DENND1A: variants seen among roughly 807,000 people sequenced by gnomAD.
DENND1A encodes the protein DENN domain-containing protein 1A.
Under a neutral mutation model 113.7 loss-of-function variants are expected in DENND1A, and 51 were observed. That is an observed-to-expected ratio of 0.45 (90% CI 0.36 to 0.57). DENND1A has a LOEUF of 0.57. DENND1A is among the 20% of genes least tolerant of loss of function. The probability of loss-of-function intolerance (pLI) is 0.00; values close to 1 mark genes in which losing one functional copy is unlikely to be tolerated. For missense variants in DENND1A, 1,258 were observed against 1,395.9 expected, an observed-to-expected ratio of 0.90 and a Z score of 1.57; for synonymous variants, 565 against 570.8, an observed-to-expected ratio of 0.99 and a Z score of 0.14.
At chr9:123,617,347 C>A (rs1024992558) in intron 10 of DENND1A, among the ~76,000 whole-genome samples, 3 of 149,546 alleles carry the variant, frequency 2.0e-5, no homozygotes, top group Non-Finnish European at 1.5e-5. Context: ...GTGAGCTCAG[C>A]GTGCACTGAT....
At chr9:123,591,914 A>G (rs2059475960) in intron 11 of DENND1A, among the ~76,000 whole-genome samples, 1 of 152,254 alleles carries the variant, frequency 6.6e-6, no homozygotes, top group Non-Finnish European at 1.5e-5. Flanking sequence ...TGGACACAGA[A>G]AGCCAGATAG....
chr9:123,522,276 T>C (rs2054461573), intron 13 of DENND1A, among the ~76,000 whole-genome samples: 1 of 152,174 alleles, frequency 6.6e-6, no homozygotes, highest in Non-Finnish European at 1.5e-5. Flanking sequence ...CTGCTTCTTG[T>C]GCCCTCTGCC....
intron 13 of DENND1A, among the ~76,000 whole-genome samples, chr9:123,489,108 C>T (rs1456582293): frequency 6.6e-6 from 1 of 152,186 alleles, no homozygotes; most frequent in Non-Finnish European, 1.5e-5. Context: ...ACACCTCAGA[C>T]ACGCACACAT....
intron 10 of DENND1A, among the ~76,000 whole-genome samples, chr9:123,611,435 G>A (rs998161286): frequency 3.3e-5 from 5 of 152,176 alleles, no homozygotes; most frequent in African/African-American, 1.2e-4. Flanking sequence ...AAAATACAAA[G>A]TCTGAACCCT....
intron 3 of DENND1A, among the ~76,000 whole-genome samples, chr9:123,777,249 AG>A (rs1212664758): frequency 6.6e-6 from 1 of 152,216 alleles, no homozygotes; most frequent in African/African-American, 2.4e-5. Flanking sequence ...GAGTATTGGA[AG>A]CCCCAGCCTT....
intron 12 of DENND1A, 108 bp from the exon 13 acceptor site, chr9:123,557,803 C>A (rs962370963): frequency 7.7e-7 from 1 of 1,290,754 alleles, no homozygotes; most frequent in Non-Finnish European, 1.1e-6. Flanking sequence ...ATGGCAGGAT[C>A]CATTTGATAC....
intron 13 of DENND1A, among the ~76,000 whole-genome samples, chr9:123,462,386 C>A (rs1340294763): frequency 6.6e-6 from 1 of 152,256 alleles, no homozygotes; most frequent in Non-Finnish European, 1.5e-5. Flanking sequence ...CAGCTGGTGG[C>A]TTCCCAAACC....
chr9:123,766,730 T>C (rs1039740766), intron 4 of DENND1A, among the ~76,000 whole-genome samples: 1 of 152,244 alleles, frequency 6.6e-6, no homozygotes, highest in African/African-American at 2.4e-5. Flanking sequence ...TTATCTCTTA[T>C]GATAGGAGGA....
At chr9:123,513,530 C>T (rs2053626266) in intron 13 of DENND1A, among the ~76,000 whole-genome samples, 1 of 152,196 alleles carries the variant, frequency 6.6e-6, no homozygotes, top group African/African-American at 2.4e-5. Context: ...GAGGACACAC[C>T]AAGGCCCAGG....
At chr9:123,877,575 G>C (rs917751308) in intron 2 of DENND1A, among the ~76,000 whole-genome samples, 1 of 151,796 alleles carries the variant, frequency 6.6e-6, no homozygotes, top group Non-Finnish European at 1.5e-5. Context: ...TGTAATCCCA[G>C]CACTTTGGGA....
At chr9:123,409,829 C>T (rs946829074) in intron 20 of DENND1A, among the ~76,000 whole-genome samples, 4 of 152,142 alleles carry the variant, frequency 2.6e-5, no homozygotes, top group African/African-American at 4.8e-5. Context: ...CGGTGGCTCA[C>T]GTCTGTAATC....
chr9:123,730,290 G>T (rs972129409), intron 5 of DENND1A, among the ~76,000 whole-genome samples: 2 of 152,162 alleles, frequency 1.3e-5, no homozygotes, highest in African/African-American at 4.8e-5. Context: ...CTTCTGCACA[G>T]CAAAAGAGAC....
At chr9:123,440,298 G>A in intron 19 of DENND1A, 62 bp downstream of exon 19, 1 of 1,529,980 alleles carries the variant, frequency 6.5e-7, no homozygotes, top group African/African-American at 1.4e-5. Context: ...ATGTGCTACT[G>A]CTGCTAAAAA....
chr9:123,383,505 G>GT, intron 23 of DENND1A, 150 bp downstream of exon 23: 1 of 1,289,130 alleles, frequency 7.8e-7, no homozygotes, highest in Non-Finnish European at 1.1e-6. Context: ...CCTGGGAGGT[G>GT]TTTACAGTCA....
chr9:123,854,164 TC>T (rs779978111), intron 2 of DENND1A, among the ~76,000 whole-genome samples: 22 of 152,304 alleles, frequency 1.4e-4, no homozygotes, highest in Admixed American at 5.9e-4. Flanking sequence ...TTGAGCAAGA[TC>T]ATTCTTTCTA....
intron 1 of DENND1A, among the ~76,000 whole-genome samples, chr9:123,879,335 C>G (rs1847985073): frequency 6.6e-6 from 1 of 151,984 alleles, no homozygotes; most frequent in Admixed American, 6.6e-5. Context: ...GAGTTCAAAA[C>G]CAGCCTGGGC....
At chr9:123,843,141 A>G (rs888102049) in intron 2 of DENND1A, 2 of 552,168 alleles carry the variant, frequency 3.6e-6, no homozygotes, top group East Asian at 4.9e-5. Context: ...GAACTTCTCA[A>G]TATTGTAAAC....
At chr9:123,770,891 C>A (rs1829625836) in intron 3 of DENND1A, among the ~76,000 whole-genome samples, 1 of 152,120 alleles carries the variant, frequency 6.6e-6, no homozygotes, top group Non-Finnish European at 1.5e-5. Context: ...AAGAAATAAA[C>A]CACATCAATC....
In DENND1A at chr9:123,381,507, C is replaced by A. The variant is rs757571699; in HGVS notation, c.3138G>T (p.Val1046=). The part of the protein sequence containing the change: ...EDLLQKTKQD[V]SPSPALAPAP... Reference sequence around the variant, plus strand: ...CCGGGGCCAGGGCCGGACTCGGGCTCACGTCTTGCTTGGTTTTCTGTAACA... The same window carrying A: ...CCGGGGCCAGGGCCGGACTCGGGCTAACGTCTTGCTTGGTTTTCTGTAACA... The change falls in exon 24 of 24, where the codon GTG becomes GTT. Residue 1046 remains valine (V), a synonymous_variant. Coordinates refer to ENST00000394215, the MANE Select transcript of DENND1A (RefSeq NM_001352964.2). The surrounding 1 kb of genome is among the most constrained non-coding windows in gnomAD (Gnocchi z 4.7). 6.8e-6 allele frequency: 11 copies of A among 1,613,468 alleles called. No homozygotes were observed. The Middle Eastern group carries it at 4.9e-4, about 73-fold the overall frequency.
Sources: gnomAD v4.1 joint callset for allele counts (sites outside exome capture counted in the v4.1 genomes callset) on GRCh38, gnomAD v4.1.1 for gene constraint, Gnocchi (gnomAD v3.1) non-coding constraint, MANE v1.5 for transcripts, NCBI Gene and HGNC (gene_info 2026-07-23, HGNC 2026-07-21) for gene names.